Variants in UBR2 observed in about 807,000 individuals in gnomAD.
UBR2 encodes E3 ubiquitin-protein ligase UBR2.
In UBR2, 92 loss-of-function variants were observed where a neutral mutation model predicts 247.9. That is an observed-to-expected ratio of 0.37 (90% CI 0.31 to 0.44). UBR2 has a LOEUF of 0.44. Ranked by LOEUF, UBR2 falls within the 20% of genes least tolerant of loss-of-function variation. The pLI, the probability that UBR2 is intolerant of heterozygous loss-of-function variation, is 1.00. For synonymous variants in UBR2, 672 were observed against 693.5 expected (o/e 0.97, Z 0.49); for missense variants, 1,613 against 2,112.6 (o/e 0.76, Z 4.64).
At chr6:42,624,280 G>A (rs1795192900) in intron 11 of UBR2, among the ~76,000 whole-genome samples, 3 of 151,430 alleles carry the variant, frequency 2.0e-5, no homozygotes, top group South Asian at 4.2e-4. Context: ...GGGAGTACAG[G>A]CATGCACTAC....
At position 42,631,880 on chromosome 6, in the gene UBR2, AT is replaced by A. The variant is rs1562333057; in HGVS notation, c.1282-671del. ...TGATTTTATATATATATATATATAT[AT>A]ATATATATAAATACAGGTTCTGTAA... On this transcript the variant is annotated intron_variant, in intron 11 of 46. Transcript: ENST00000372901. Among the ~76,000 whole-genome samples the A allele has an allele frequency of 5.3e-4, 74 of 140,650 alleles. 2 individuals are homozygous for A. The highest frequency in any genetic ancestry group is 1.9e-3 in the African/African-American group (73 of 38,110). 92.3% of individuals were successfully genotyped at this position (140,650 alleles called of 152,430 possible). A position where few individuals can be genotyped will look rare whatever the true frequency, so the allele number is the denominator to read the frequency against.
chr6:42,574,239 C>T (rs917293082), intron 2 of UBR2, among the ~76,000 whole-genome samples: 4 of 152,184 alleles, frequency 2.6e-5, no homozygotes, highest in Non-Finnish European at 4.4e-5. Flanking sequence ...CCATAATTAA[C>T]TGACATCTTG....
chr6:42,686,283 TAAC>T (rs895893142), intron 44 of UBR2, among the ~76,000 whole-genome samples: 8 of 151,848 alleles, frequency 5.3e-5, no homozygotes, highest in African/African-American at 1.9e-4. Context: ...TGATGACTCT[TAAC>T]GAGCATGCTG....
At chr6:42,658,531 A>T in intron 28 of UBR2, 115 bp from the exon 29 acceptor site, 1 of 1,189,516 alleles carries the variant, frequency 8.4e-7, no homozygotes, top group Non-Finnish European at 1.1e-6. Context: ...TTATTTAAAT[A>T]AGTGAGATTA....
intron 15 of UBR2, among the ~76,000 whole-genome samples, chr6:42,639,399 C>T (rs1562343391): frequency 6.6e-6 from 1 of 152,182 alleles, no homozygotes; most frequent in Non-Finnish European, 1.5e-5. Context: ...TCGAGACCAG[C>T]CTGGCCAACA....
chr6:42,648,718 T>C (rs1796928917), intron 22 of UBR2, among the ~76,000 whole-genome samples: 1 of 152,194 alleles, frequency 6.6e-6, no homozygotes, highest in Admixed American at 6.5e-5. Flanking sequence ...TTGTTGGTTA[T>C]AAAGACAATA....
At chr6:42,586,541 T>C (rs1227380567) in intron 2 of UBR2, among the ~76,000 whole-genome samples, 11 of 145,018 alleles carry the variant, frequency 7.6e-5, no homozygotes, top group South Asian at 6.5e-4. Context: ...TGTCTCTCTT[T>C]TTTTTTTTTT....
chr6:42,611,245 G>C (rs1158633058), intron 7 of UBR2, among the ~76,000 whole-genome samples: 2 of 150,228 alleles, frequency 1.3e-5, no homozygotes, highest in Non-Finnish European at 3.0e-5. Flanking sequence ...GGGGGATCAC[G>C]AGATCAAGAG....
At chr6:42,639,606 A>G (rs772711072) in intron 15 of UBR2, among the ~76,000 whole-genome samples, 1 of 152,168 alleles carries the variant, frequency 6.6e-6, no homozygotes, top group Admixed American at 6.5e-5. Context: ...GTTCTGGGGA[A>G]CTTAATTCAA....
rs777130264 is a variant in UBR2, at chr6:42,658,113, A to G, written c.2962A>G (p.Met988Val). Reference protein sequence around the residue: ...NAPYLEVHKDMIRWILKTFNA... With the variant: ...NAPYLEVHKDVIRWILKTFNA... Reference sequence around the variant, plus strand: ...TCCCTACCTAGAAGTCCACAAAGACATGATTCGGTGGATATTGAAGGTAAA... The same window carrying G: ...TCCCTACCTAGAAGTCCACAAAGACGTGATTCGGTGGATATTGAAGGTAAA... The change falls in exon 27 of 47, where the codon ATG (methionine) becomes GTG (valine). Residue 988 changes from methionine to valine, a missense_variant. Physicochemically the swap from Met to Val is conservative, Grantham distance 21. Coordinates refer to ENST00000372901, the MANE Select transcript of UBR2 (RefSeq NM_001363705.2). 1.4e-5 allele frequency: 22 copies of G among 1,613,992 alleles called. No homozygotes were observed. The highest frequency in any genetic ancestry group is 2.7e-5 in the African/African-American group (2 of 74,940).
rs758444880 is a variant in UBR2 at position 42,658,021 on chromosome 6, T to C, written c.2873-3T>C. On this transcript the variant is annotated splice_polypyrimidine_tract_variant and splice_region_variant and intron_variant, in intron 26 of 46. Coordinates refer to ENST00000372901, the MANE Select transcript of UBR2 (RefSeq NM_001363705.2). ...TATTGTGCCTTTTATTTTTCTGCCG[T>C]AGAACCTGGTGAAGCGCCAAAAAAT... 3.8e-5 allele frequency: 61 copies of C among 1,610,370 alleles called. No homozygotes were observed. In the South Asian group the frequency reaches 6.6e-4, roughly 17 times the overall value.
chr6:42,637,101 C>T lies in UBR2; in HGVS notation c.1765C>T (p.Leu589=). The T allele has an allele frequency of 6.2e-7, 1 of 1,614,124 alleles. No homozygotes were observed. The highest frequency in any genetic ancestry group is 8.5e-7 in the Non-Finnish European group (1 of 1,180,012). Residue 589 remains leucine (L), a synonymous_variant, in exon 15 of 47, where the codon CTA becomes TTA. Transcript: ENST00000372901. ...GYTDGEQPIT[L]SICGHSVETI... ...TACTGATGGTGAACAGCCAATCACA[C>T]TAAGCATTTGTGGACATTCAGTGGA...
At chr6:42,612,395 T>C in intron 8 of UBR2, 104 bp downstream of exon 8, 1 of 1,235,966 alleles carries the variant, frequency 8.1e-7, no homozygotes, top group South Asian at 2.5e-5. Context: ...TTTCCTGCTT[T>C]AATTTTACAT....
In UBR2 at chr6:42,614,420, GTACA is replaced by G. The variant is rs1297065320; in HGVS notation, c.986-648_986-645del. On this transcript the variant is annotated intron_variant, in intron 8 of 46. Transcript: ENST00000372901. ...CATACATACGTATGTATGTACGTAC[GTACA>G]TATATATGTATGTACGTACATATAT... is the stretch of plus-strand genomic sequence containing the variant. 1.5e-3 allele frequency among the ~76,000 whole-genome samples: 58 copies of G among 38,766 alleles called. 6 individuals carry two copies. Among genetic ancestry groups the G allele is most frequent in the African/African-American group, 4.6e-3 (53 of 11,628 alleles). The allele number at this position is 38,766 out of a possible 152,430, so 25.4% of individuals were successfully genotyped here. A position where few individuals can be genotyped will look rare whatever the true frequency, so the allele number is the denominator to read the frequency against.
chr6:42,574,210 G>A (rs927234181), intron 2 of UBR2, among the ~76,000 whole-genome samples: 1 of 152,168 alleles, frequency 6.6e-6, no homozygotes, highest in Non-Finnish European at 1.5e-5. Flanking sequence ...GAAGCCCACT[G>A]TGTGCTTTCT....
Position 42,676,814 on chromosome 6 carries a change from T to A in UBR2, c.4419T>A (p.Pro1473=), listed in dbSNP as rs773710639. ...EENGMDQENP[P]CEEESAVLAL... The stretch of plus-strand genomic sequence containing the variant: ...ATGGCATGGATCAAGAAAATCCCCC[T>A]TGTGAAGAAGAATCAGCAGTTCTTG... The change falls in exon 40 of 47, where the codon CCT becomes CCA. Residue 1473 remains proline (P), a synonymous_variant. Coordinates refer to ENST00000372901, the MANE Select transcript of UBR2 (RefSeq NM_001363705.2). 1 of 1,614,036 alleles carries A rather than the reference T, an allele frequency of 6.2e-7. No individual in the cohort carries two copies. Among genetic ancestry groups the A allele is most frequent in the Non-Finnish European group, 8.5e-7 (1 of 1,179,964 alleles).
chr6:42,628,881 G>C (rs561512684), intron 11 of UBR2, among the ~76,000 whole-genome samples: 11 of 152,152 alleles, frequency 7.2e-5, no homozygotes, highest in Non-Finnish European at 1.5e-4. Context: ...TTATTCAGTT[G>C]TATTTTTCAG....
At chr6:42,623,148 G>T (rs1205081102) in intron 11 of UBR2, among the ~76,000 whole-genome samples, 1 of 152,110 alleles carries the variant, frequency 6.6e-6, no homozygotes, top group South Asian at 2.1e-4. Context: ...AGAAATCTTT[G>T]TCTCATATCT....
At chr6:42,629,305 C>G (rs1397161912) in intron 11 of UBR2, among the ~76,000 whole-genome samples, 1 of 150,376 alleles carries the variant, frequency 6.6e-6, no homozygotes. Flanking sequence ...GCGTGAGCCA[C>G]TGTGCCCGGC....
Sources: allele counts gnomAD v4.1 joint callset (sites outside exome capture counted in the v4.1 genomes callset), GRCh38; gene constraint gnomAD v4.1.1; transcripts MANE v1.5; gene names NCBI Gene and HGNC (gene_info 2026-07-23, HGNC 2026-07-21).